COL4A6: variants seen among roughly 807,000 people sequenced by gnomAD.
COL4A6 encodes collagen alpha-6(IV) chain.
A neutral mutation model predicts 126.7 loss-of-function variants in COL4A6; 59 were observed. That is an observed-to-expected ratio of 0.47 (90% CI 0.38 to 0.58). COL4A6 has a LOEUF of 0.58. Among genes scored for constraint, COL4A6 ranks in the 20% least tolerant of loss-of-function variants. The pLI is 0.00. For missense variants in COL4A6, 1,285 were observed against 1,337.3 expected (o/e 0.96, Z 0.61); for synonymous variants, 547 against 496.6 (o/e 1.10, Z -1.35).
intron 2 of COL4A6, among the ~76,000 whole-genome samples, chrX:108,359,716 G>C (rs1004494136): frequency 7.1e-5 from 8 of 112,295 alleles, no homozygotes. Flanking sequence ...ATTCAAGACA[G>C]TGGGGGACAG....
Position 108,416,686 on chromosome X carries a change from T to C in COL4A6, c.63+21256A>G, listed in dbSNP as rs189998786. Reference sequence around the variant, plus strand: ...CTTAATGAATAACCACATACTAACCTGCTGCAAGACGTACCTGAAATTTAT... The same window carrying C: ...CTTAATGAATAACCACATACTAACCCGCTGCAAGACGTACCTGAAATTTAT... On this transcript the variant is annotated intron_variant, in intron 2 of 44. Coordinates refer to ENST00000334504, the MANE Select transcript of COL4A6 (RefSeq NM_033641.4). Among the ~76,000 whole-genome samples, 406 of 112,231 alleles carry C rather than the reference T, an allele frequency of 3.6e-3. 2 individuals are homozygous for C. Among genetic ancestry groups the C allele is most frequent in the African/African-American group, 0.012 (383 of 30,906 alleles).
intron 2 of COL4A6, among the ~76,000 whole-genome samples, chrX:108,369,543 C>T (rs2040276606): frequency 9.0e-6 from 1 of 111,677 alleles, no homozygotes; most frequent in African/African-American, 3.3e-5. Flanking sequence ...ATCACTGTAC[C>T]TAGCAAACAG....
chrX:108,258,722 A>G, intron 3 of COL4A6, among the ~76,000 whole-genome samples: 1 of 112,007 alleles, frequency 8.9e-6, no homozygotes, highest in South Asian at 3.7e-4. Flanking sequence ...ATTAAATGAT[A>G]ATGCCATTAA....
chrX:108,206,245 A>G, intron 9 of COL4A6: 1 of 434,847 alleles, frequency 2.3e-6, no homozygotes, highest in Non-Finnish European at 4.2e-6. Flanking sequence ...GTGGCAAGAA[A>G]TGTGTCAGGG....
At chrX:108,179,093 A>C (rs2034593174) in intron 26 of COL4A6, 124 bp downstream of exon 26, 1 of 764,148 alleles carries the variant, frequency 1.3e-6, no homozygotes, top group Non-Finnish European at 1.9e-6. Context: ...GGACAGAATA[A>C]AATATTTCAT....
Position 108,385,376 on chromosome X carries a change from G to C in COL4A6, c.63+52566C>G, listed in dbSNP as rs182682653. Reference sequence around the variant, plus strand: ...AAATCTAAATAAAAAACACGACTATGTTCATAGATCAGAAGGCAAAATCTT... The same window carrying C: ...AAATCTAAATAAAAAACACGACTATCTTCATAGATCAGAAGGCAAAATCTT... On this transcript the variant is annotated intron_variant, in intron 2 of 44. Transcript: ENST00000334504. Among the ~76,000 whole-genome samples, 532 of 111,183 alleles carry C rather than the reference G, an allele frequency of 4.8e-3. 3 individuals are homozygous for C. The highest frequency in any genetic ancestry group is 0.016 in the African/African-American group (500 of 30,715).
intron 27 of COL4A6, 38 bp from the exon 28 acceptor site, chrX:108,177,049 A>G (rs1393216690): frequency 8.6e-7 from 1 of 1,166,546 alleles, no homozygotes; most frequent in African/African-American, 1.8e-5. Context: ...ACAGCTGTCA[A>G]GTGAGGCTCT....
chrX:108,163,103 A>G (rs190951927), intron 40 of COL4A6, 65 bp from the exon 41 acceptor site: 3 of 1,044,288 alleles, frequency 2.9e-6, no homozygotes, highest in Non-Finnish European at 1.3e-6. Context: ...GGGGCCCCAG[A>G]AGCCTTCTTT....
chrX:108,419,347 T>C (rs1429396674), intron 2 of COL4A6, among the ~76,000 whole-genome samples: 1 of 111,930 alleles, frequency 8.9e-6, no homozygotes, highest in Non-Finnish European at 1.9e-5. Context: ...ATAGATAGGA[T>C]TATATTATTG....
chrX:108,378,351 GAAGA>G (rs1339121908), intron 2 of COL4A6, among the ~76,000 whole-genome samples: 2 of 111,692 alleles, frequency 1.8e-5, no homozygotes, highest in African/African-American at 3.3e-5. Flanking sequence ...ATCTCAATAT[GAAGA>G]AAGAACCTAT....
intron 2 of COL4A6, among the ~76,000 whole-genome samples, chrX:108,432,548 AGAG>A (rs1275016796): frequency 8.9e-6 from 1 of 112,400 alleles, no homozygotes; most frequent in Non-Finnish European, 1.9e-5. Context: ...TTAAAAAACA[AGAG>A]GAGGCCGGGT....
In COL4A6 at chrX:108,169,524, G is replaced by T. The variant is rs199500867; in HGVS notation, c.3662C>A (p.Pro1221Gln). ...ATCACCTTTTTGCCCTCTCAGGCCCGGCTTCCCTGGAGCTCCGATGCCAAT... is the reference window on the plus strand; with the variant it reads ...ATCACCTTTTTGCCCTCTCAGGCCCTGCTTCCCTGGAGCTCCGATGCCAAT... The part of the protein sequence containing the change: ...PGIGIGAPGK[P>Q]GLRGQKGDRG... Residue 1221 changes from proline (P) to glutamine (Q), a missense_variant, in exon 37 of 45, where the codon CCG becomes CAG. Coordinates refer to ENST00000334504, the MANE Select transcript of COL4A6 (RefSeq NM_033641.4). 8.3e-7 allele frequency: 1 copy of T among 1,211,654 alleles called. No individual in the cohort carries two copies. Among genetic ancestry groups the T allele is most frequent in the South Asian group, 1.8e-5 (1 of 56,951 alleles).
chrX:108,319,289 G>A (rs1332111), intron 2 of COL4A6, among the ~76,000 whole-genome samples: 37,962 of 111,308 alleles, frequency 0.34, 5,522 homozygotes, highest in East Asian at 0.73. Context: ...AGGATCACTG[G>A]AGCCCAGGAG....
chrX:108,229,444 G>A (rs895475209), intron 3 of COL4A6, among the ~76,000 whole-genome samples: 1 of 111,767 alleles, frequency 8.9e-6, no homozygotes. Flanking sequence ...TCAGACTTAC[G>A]CAGAGGTGAT....
chrX:108,356,799 A>G (rs764129231), intron 2 of COL4A6, among the ~76,000 whole-genome samples: 1 of 111,550 alleles, frequency 9.0e-6, no homozygotes, highest in Non-Finnish European at 1.9e-5. Context: ...AGTCATCAAT[A>G]CAGACAGCTC....
intron 3 of COL4A6, among the ~76,000 whole-genome samples, chrX:108,309,289 G>A (rs997158271): frequency 7.2e-5 from 8 of 110,446 alleles, no homozygotes; most frequent in East Asian, 2.8e-4. Flanking sequence ...CATGTCTTCC[G>A]TGAGAGGCAG....
intron 2 of COL4A6, among the ~76,000 whole-genome samples, chrX:108,327,509 G>A (rs1440853604): frequency 9.3e-6 from 1 of 107,258 alleles, no homozygotes; most frequent in Non-Finnish European, 1.9e-5. Context: ...TAATTATGCT[G>A]AGTAAAAAGC....
intron 13 of COL4A6, among the ~76,000 whole-genome samples, chrX:108,197,711 T>C (rs1392016984): frequency 1.8e-5 from 2 of 110,248 alleles, no homozygotes; most frequent in East Asian, 5.8e-4. Context: ...TGTTTCCTTT[T>C]GGCTAGTCAT....
At chrX:108,351,492 G>GTGTATATCTA (rs2039846985) in intron 2 of COL4A6, among the ~76,000 whole-genome samples, 1 of 108,793 alleles carries the variant, frequency 9.2e-6, no homozygotes. Flanking sequence ...GTGTATGCCT[G>GTGTATATCTA]TGTATATCTA....
Sources: allele counts gnomAD v4.1 joint callset (sites outside exome capture counted in the v4.1 genomes callset), GRCh38; gene constraint gnomAD v4.1.1; transcripts MANE v1.5; gene names NCBI Gene and HGNC (gene_info 2026-07-23, HGNC 2026-07-21).